EPB41L2: variants seen among roughly 807,000 people sequenced by gnomAD.
The protein encoded by EPB41L2 is band 4.1-like protein 2.
In EPB41L2, 43 loss-of-function variants were observed where a neutral mutation model predicts 113.0. That is an observed-to-expected ratio of 0.38 (90% CI 0.30 to 0.49). The LOEUF (loss-of-function observed/expected upper bound fraction) is 0.49, where lower values mean the gene tolerates loss of function less well. Ranked by LOEUF, EPB41L2 falls within the 20% of genes least tolerant of loss-of-function variation. EPB41L2 has a pLI of 0.95. For synonymous variants in EPB41L2, 442 were observed against 436.7 expected, an observed-to-expected ratio of 1.01 and a Z score of -0.15; for missense variants, 1,147 against 1,223.4, an observed-to-expected ratio of 0.94 and a Z score of 0.93.
chr6:130,880,610 G>A, intron 12 of EPB41L2: 1 of 499,184 alleles, frequency 2.0e-6, no homozygotes, highest in South Asian at 4.1e-5. Context: ...CCTTTACTGT[G>A]AGGCCCTCAG....
intron 6 of EPB41L2, among the ~76,000 whole-genome samples, chr6:130,903,334 T>C (rs1796809904): frequency 6.6e-6 from 1 of 151,900 alleles, no homozygotes; most frequent in Non-Finnish European, 1.5e-5. Flanking sequence ...TATTTATTAT[T>C]TACTAGGTGA....
chr6:130,960,326 T>C (rs1404185316), intron 1 of EPB41L2, among the ~76,000 whole-genome samples: 2 of 152,246 alleles, frequency 1.3e-5, no homozygotes, highest in Non-Finnish European at 2.9e-5. Flanking sequence ...ATTCAAAATA[T>C]TCTCTCTTAA....
chr6:130,883,730 C>A (rs546171365), intron 12 of EPB41L2, among the ~76,000 whole-genome samples: 1 of 152,366 alleles, frequency 6.6e-6, no homozygotes, highest in South Asian at 2.1e-4. Context: ...GACAACTTGT[C>A]AGCAATTGAA....
intron 1 of EPB41L2, 84 bp downstream of exon 1, chr6:131,063,071 A>G (rs1799043870): frequency 6.6e-6 from 1 of 152,608 alleles, no homozygotes; most frequent in Admixed American, 6.6e-5. Flanking sequence ...GCCAGAGGAA[A>G]AATCTGAGCC....
intron 1 of EPB41L2, among the ~76,000 whole-genome samples, chr6:130,969,206 C>A (rs1776132019): frequency 6.6e-6 from 1 of 151,356 alleles, no homozygotes. Context: ...AGAGACAATT[C>A]TTCCTTGTGA....
intron 3 of EPB41L2, among the ~76,000 whole-genome samples, chr6:130,954,410 T>C (rs559898952): frequency 6.6e-6 from 1 of 152,304 alleles, no homozygotes; most frequent in African/African-American, 2.4e-5. Flanking sequence ...CGTTGTAACA[T>C]GTAACACTGA....
At chr6:130,943,829 C>T (rs927993545) in intron 3 of EPB41L2, among the ~76,000 whole-genome samples, 1 of 152,056 alleles carries the variant, frequency 6.6e-6, no homozygotes, top group Non-Finnish European at 1.5e-5. Flanking sequence ...ATAGTATCTT[C>T]AAGCCCAGCC....
At chr6:130,999,374 A>C (rs1783840105) in intron 1 of EPB41L2, among the ~76,000 whole-genome samples, 1 of 152,248 alleles carries the variant, frequency 6.6e-6, no homozygotes, top group Non-Finnish European at 1.5e-5. Context: ...AAAATCCAGC[A>C]TGCCTAAGTT....
intron 1 of EPB41L2, among the ~76,000 whole-genome samples, chr6:131,051,932 ATTTTTTTTTTCT>A (rs950395089): frequency 3.5e-5 from 4 of 114,654 alleles, no homozygotes; most frequent in Non-Finnish European, 5.0e-5. Flanking sequence ...TGCTGTGTTG[ATTTTTTTTTTCT>A]TTTTTTTTTT....
Position 130,873,375 on chromosome 6 carries a change from A to G in EPB41L2, c.2044-3249T>C, listed in dbSNP as rs183875442. ...TGAGGGACAGCAGAACTGTCCTTAGAAACTTGAAATGTCAATATTCAAGAG... is the reference window on the plus strand; with the variant it reads ...TGAGGGACAGCAGAACTGTCCTTAGGAACTTGAAATGTCAATATTCAAGAG... On this transcript the variant is annotated intron_variant, in intron 14 of 19. Coordinates refer to ENST00000337057, the MANE Select transcript of EPB41L2 (RefSeq NM_001431.4). 1.6e-3 allele frequency among the ~76,000 whole-genome samples: 239 copies of G among 152,340 alleles called. 2 individuals carry two copies. Among genetic ancestry groups the G allele is most frequent in the African/African-American group, 5.7e-3 (236 of 41,570 alleles).
intron 3 of EPB41L2, among the ~76,000 whole-genome samples, chr6:130,951,279 A>C (rs906625313): frequency 1.4e-3 from 2 of 1,452 alleles, no homozygotes; most frequent in South Asian, 0.019. Flanking sequence ...GGAGGGGGGG[A>C]GGGGAGGAGA....
In EPB41L2 at chr6:130,890,263, T is replaced by C. The variant is rs199785105; in HGVS notation, c.1660+31A>G. ...CCTCATGGGATTAGAGAAAGATGAA[T>C]GAAAATCAAAATTATCATAAATGTG... On this transcript the variant is annotated intron_variant, in intron 11 of 19. Transcript: ENST00000337057. The C allele has an allele frequency of 1.4e-3, 2,243 of 1,584,020 alleles. 12 individuals carry two copies. The highest frequency in any genetic ancestry group is 9.0e-3 in the South Asian group (773 of 85,634).
At chr6:130,856,595 C>A (rs1158104494) in intron 19 of EPB41L2, among the ~76,000 whole-genome samples, 2 of 152,222 alleles carry the variant, frequency 1.3e-5, no homozygotes, top group African/African-American at 4.8e-5. Context: ...GGAATCCTTG[C>A]CTCCTAGTGG....
intron 4 of EPB41L2, among the ~76,000 whole-genome samples, chr6:130,915,089 G>C (rs1180665874): frequency 6.6e-6 from 1 of 152,030 alleles, no homozygotes; most frequent in Non-Finnish European, 1.5e-5. Context: ...GGATCACGAG[G>C]TCAGGAGATC....
At chr6:130,845,382 T>C (rs571134694) in intron 19 of EPB41L2, among the ~76,000 whole-genome samples, 451 of 23,810 alleles carry the variant, frequency 0.019, 1 homozygote, top group African/African-American at 0.17. Flanking sequence ...GGTAACCTTA[T>C]TCTTTTTTTT....
At chr6:130,924,408 C>T (rs528664055) in intron 4 of EPB41L2, among the ~76,000 whole-genome samples, 29 of 149,690 alleles carry the variant, frequency 1.9e-4, no homozygotes, top group African/African-American at 6.8e-4. Context: ...GATGCAGTTT[C>T]GCTCTTGTTG....
intron 11 of EPB41L2, among the ~76,000 whole-genome samples, chr6:130,889,672 C>G (rs758877413): frequency 6.6e-6 from 1 of 151,966 alleles, no homozygotes; most frequent in African/African-American, 2.4e-5. Context: ...TGCTACCATA[C>G]GAAAAAATCC....
chr6:130,998,386 A>G (rs545814896), intron 1 of EPB41L2, among the ~76,000 whole-genome samples: 1 of 152,322 alleles, frequency 6.6e-6, no homozygotes, highest in South Asian at 2.1e-4. Context: ...TGTAGGGGAA[A>G]TTGGGATACA....
At chr6:130,874,015 AAAG>A (rs1336431056) in intron 14 of EPB41L2, among the ~76,000 whole-genome samples, 1 of 152,202 alleles carries the variant, frequency 6.6e-6, no homozygotes, top group African/African-American at 2.4e-5. Flanking sequence ...TGGGGAATTT[AAAG>A]AAGTGCCACA....
Sources: gnomAD v4.1 joint callset for allele counts (sites outside exome capture counted in the v4.1 genomes callset) on GRCh38, gnomAD v4.1.1 for gene constraint, MANE v1.5 for transcripts, NCBI Gene and HGNC (gene_info 2026-07-23, HGNC 2026-07-21) for gene names.